The following CDC42BPA variants were observed in gnomAD, a reference collection of about 807,000 sequenced individuals.
The protein encoded by CDC42BPA is serine/threonine-protein kinase MRCK alpha.
In CDC42BPA, 80 loss-of-function variants were observed where a neutral mutation model predicts 223.5. The ratio of observed to expected loss-of-function variants is 0.36; its 90% confidence interval spans 0.30 to 0.43. The LOEUF (loss-of-function observed/expected upper bound fraction) is 0.43, where lower values mean the gene tolerates loss of function less well. Among genes scored for constraint, CDC42BPA ranks in the 20% least tolerant of loss-of-function variants. The pLI, the probability that CDC42BPA is intolerant of heterozygous loss-of-function variation, is 1.00. For missense variants in CDC42BPA, 1,743 were observed against 2,099.9 expected, an observed-to-expected ratio of 0.83 and a Z score of 3.32; for synonymous variants, 694 against 718.6, an observed-to-expected ratio of 0.97 and a Z score of 0.55.
At chr1:227,126,864 A>AG (rs1689762589) in intron 11 of CDC42BPA, among the ~76,000 whole-genome samples, 1 of 152,222 alleles carries the variant, frequency 6.6e-6, no homozygotes, top group Non-Finnish European at 1.5e-5. Flanking sequence ...AAGATTAAGA[A>AG]GCTAGAATGT....
At chr1:227,197,252 A>C (rs935132966) in intron 4 of CDC42BPA, among the ~76,000 whole-genome samples, 1 of 152,158 alleles carries the variant, frequency 6.6e-6, no homozygotes, top group Non-Finnish European at 1.5e-5. Context: ...ATCTAAAATT[A>C]GCTTTGTCGA....
chr1:227,207,335 C>G (rs1376063715), intron 3 of CDC42BPA, among the ~76,000 whole-genome samples: 3 of 143,150 alleles, frequency 2.1e-5, no homozygotes, highest in Non-Finnish European at 4.6e-5. Context: ...TTTTTACTGG[C>G]ATATCTTTTT....
chr1:227,204,693 C>T (rs1672358344), intron 3 of CDC42BPA, among the ~76,000 whole-genome samples: 2 of 152,094 alleles, frequency 1.3e-5, no homozygotes, highest in South Asian at 4.1e-4. Flanking sequence ...ATGGCATATA[C>T]TTTTTGGGTA....
At chr1:227,138,863 T>C (rs1340937062) in intron 10 of CDC42BPA, among the ~76,000 whole-genome samples, 1 of 152,108 alleles carries the variant, frequency 6.6e-6, no homozygotes, top group Non-Finnish European at 1.5e-5. Context: ...AGGGTATGAC[T>C]ATGGCTGACC....
At chr1:227,198,547 CATT>C (rs1671162787) in intron 4 of CDC42BPA, among the ~76,000 whole-genome samples, 1 of 148,502 alleles carries the variant, frequency 6.7e-6, no homozygotes, top group South Asian at 2.1e-4. Flanking sequence ...TTTAAAAAAA[CATT>C]ATTATACTCT....
intron 14 of CDC42BPA, among the ~76,000 whole-genome samples, chr1:227,108,552 C>T (rs1378727270): frequency 6.6e-6 from 1 of 152,022 alleles, no homozygotes; most frequent in Non-Finnish European, 1.5e-5. Context: ...GCCATGTGTA[C>T]TTTAAAAGAA....
chr1:227,174,577 A>G (rs1443363526), intron 5 of CDC42BPA, among the ~76,000 whole-genome samples: 5 of 152,162 alleles, frequency 3.3e-5, no homozygotes, highest in Admixed American at 1.3e-4. Context: ...TCTATTTCCT[A>G]TATCGGTACA....
chr1:227,134,152 A>T (rs1658011637), intron 10 of CDC42BPA, among the ~76,000 whole-genome samples: 1 of 151,548 alleles, frequency 6.6e-6, no homozygotes, highest in Non-Finnish European at 1.5e-5. Flanking sequence ...AACATTTTCC[A>T]TTTTTTTCCT....
At chr1:227,002,155 C>T (rs1019106867) in intron 35 of CDC42BPA, among the ~76,000 whole-genome samples, 1 of 151,986 alleles carries the variant, frequency 6.6e-6, no homozygotes, top group Admixed American at 6.6e-5. Context: ...ATGGTAGATC[C>T]CTTTCTAAAA....
rs778956981 is a variant in CDC42BPA at position 227,317,612 on chromosome 1, T to C, written c.-430A>G. On this transcript the variant is annotated 5_prime_UTR_variant, in exon 1 of 37. Coordinates refer to ENST00000366766, the MANE Select transcript of CDC42BPA (RefSeq NM_001394014.1). The stretch of plus-strand genomic sequence containing the variant: ...GCATCATTAATGAATAAAGTCCGAT[T>C]TGCATCAGCAATTCACTTCCCGGGA... 2.5e-6 allele frequency: 1 copy of C among 397,964 alleles called. No homozygotes were observed. Among genetic ancestry groups the C allele is most frequent in the Non-Finnish European group, 4.4e-6 (1 of 226,026 alleles). 24.7% of individuals were successfully genotyped at this position (397,964 alleles called of 1,614,324 possible). A position where few individuals can be genotyped will look rare whatever the true frequency, so the allele number is the denominator to read the frequency against.
At chr1:227,231,895 G>T (rs1256325961) in intron 2 of CDC42BPA, among the ~76,000 whole-genome samples, 6 of 152,202 alleles carry the variant, frequency 3.9e-5, no homozygotes, top group African/African-American at 1.4e-4. Flanking sequence ...CCCTTTGTCA[G>T]ATGAGTAGAT....
In CDC42BPA at chr1:227,140,980, CTG is replaced by C. The variant is rs561813608; in HGVS notation, c.1224-1240_1224-1239del. 2.7e-3 allele frequency among the ~76,000 whole-genome samples: 410 copies of C among 152,214 alleles called. 2 individuals carry two copies. The highest frequency in any genetic ancestry group is 4.6e-3 in the Non-Finnish European group (313 of 68,008). On this transcript the variant is annotated intron_variant, in intron 9 of 36. Coordinates refer to ENST00000366766, the MANE Select transcript of CDC42BPA (RefSeq NM_001394014.1). ...AATCAGGAGGGATCAGGTATGGAGA[CTG>C]AGAAGGAATGACCAGCAAGGTGAGA...
At chr1:227,100,777 T>TGTGTGTGTGTGCGC (rs777124731) in intron 15 of CDC42BPA, among the ~76,000 whole-genome samples, 146 of 128,592 alleles carry the variant, frequency 1.1e-3, no homozygotes, top group Middle Eastern at 3.6e-3. Flanking sequence ...TGTGTGTGTG[T>TGTGTGTGTGTGCGC]GCGTGTGCCA....
chr1:227,263,110 G>A (rs1187459718), intron 1 of CDC42BPA, among the ~76,000 whole-genome samples: 2 of 152,168 alleles, frequency 1.3e-5, no homozygotes, highest in African/African-American at 4.8e-5. Flanking sequence ...GCACACGCCT[G>A]TAATCCCAGC....
chr1:227,140,979 A>G (rs1659559588), intron 9 of CDC42BPA, among the ~76,000 whole-genome samples: 1 of 152,142 alleles, frequency 6.6e-6, no homozygotes, highest in African/African-American at 2.4e-5. Context: ...AGGTATGGAG[A>G]CTGAGAAGGA....
intron 1 of CDC42BPA, among the ~76,000 whole-genome samples, chr1:227,262,140 A>G (rs1040008313): frequency 6.6e-6 from 1 of 152,212 alleles, no homozygotes; most frequent in Non-Finnish European, 1.5e-5. Context: ...TCAAGAACTC[A>G]AGAGAATAAT....
chr1:227,048,100 A>G, intron 22 of CDC42BPA, 90 bp from the exon 23 acceptor site: 1 of 751,092 alleles, frequency 1.3e-6, no homozygotes, highest in Non-Finnish European at 2.1e-6. Context: ...TAAATAAAAC[A>G]AAACATCAAT....
intron 16 of CDC42BPA, among the ~76,000 whole-genome samples, chr1:227,086,024 G>A (rs1476264237): frequency 2.0e-5 from 3 of 152,114 alleles, no homozygotes; most frequent in Admixed American, 2.0e-4. Flanking sequence ...AGGCATCACT[G>A]ACCTGCTTTC....
chr1:227,259,512 C>T (rs1513617), intron 1 of CDC42BPA, among the ~76,000 whole-genome samples: 105,867 of 150,702 alleles, frequency 0.7, 38,080 homozygotes, highest in East Asian at 0.86. Context: ...ATTGCATCCC[C>T]GCCTTGTATT....
Sources: gnomAD v4.1 joint callset for allele counts (sites outside exome capture counted in the v4.1 genomes callset) on GRCh38, gnomAD v4.1.1 for gene constraint, MANE v1.5 for transcripts, NCBI Gene and HGNC (gene_info 2026-07-23, HGNC 2026-07-21) for gene names.